ATRNL1: variants seen among roughly 807,000 people sequenced by gnomAD.
ATRNL1 encodes attractin-like protein 1.
ATRNL1 carries 95 observed loss-of-function variants against 182.7 expected under a neutral mutation model. The observed-to-expected ratio is 0.52, with a 90% CI of 0.44 to 0.62. The LOEUF (loss-of-function observed/expected upper bound fraction) is 0.62, where lower values mean the gene tolerates loss of function less well. Ranked by LOEUF, ATRNL1 falls within the 20% of genes least tolerant of loss-of-function variation. ATRNL1 has a pLI of 0.00. For synonymous variants in ATRNL1, 576 were observed against 568.3 expected, an observed-to-expected ratio of 1.01 and a Z score of -0.19; for missense variants, 1,471 against 1,679.5, an observed-to-expected ratio of 0.88 and a Z score of 2.17.
intron 25 of ATRNL1, among the ~76,000 whole-genome samples, chr10:115,527,078 G>A (rs1044961075): frequency 5.3e-5 from 8 of 151,192 alleles, no homozygotes; most frequent in African/African-American, 1.9e-4. Context: ...GGGGCCACTA[G>A]TCAGTTATGC....
At position 115,093,486 on chromosome 10, in the gene ATRNL1, C is replaced by G. The variant is rs1256769265; in HGVS notation, c.-265C>G. 9.3e-5 allele frequency: 58 copies of G among 623,888 alleles called. No individual in the cohort carries two copies. The highest frequency in any genetic ancestry group is 1.7e-4 in the Non-Finnish European group (58 of 342,434). 38.6% of individuals were successfully genotyped at this position (623,888 alleles called of 1,614,324 possible). On this transcript the variant is annotated 5_prime_UTR_variant, in exon 1 of 29. Transcript: ENST00000355044. The surrounding 1 kb of genome is among the most constrained non-coding windows in gnomAD (Gnocchi z 6.1). ...CCCGCTCCCCGCCTCCGGCCGGGTCCGGGACGCCGCGGCTGTGGGGTCGGC... is the reference window on the plus strand; with the variant it reads ...CCCGCTCCCCGCCTCCGGCCGGGTCGGGGACGCCGCGGCTGTGGGGTCGGC...
intron 24 of ATRNL1, among the ~76,000 whole-genome samples, chr10:115,472,206 T>C (rs1183962621): frequency 2.0e-5 from 3 of 151,120 alleles, no homozygotes; most frequent in Non-Finnish European, 4.5e-5. Flanking sequence ...TTGGTATTAG[T>C]GTATTTTTAT....
chr10:115,913,674 G>A (rs1555116487), intron 28 of ATRNL1, among the ~76,000 whole-genome samples: 2 of 152,170 alleles, frequency 1.3e-5, no homozygotes, highest in African/African-American at 4.8e-5. Context: ...TCCCAGCACT[G>A]CTCACATGTT....
At chr10:115,443,435 A>G (rs1006526221) in intron 21 of ATRNL1, among the ~76,000 whole-genome samples, 2 of 152,028 alleles carry the variant, frequency 1.3e-5, no homozygotes, top group Admixed American at 1.3e-4. Context: ...TTTGTGATTA[A>G]TGATGAGTTG....
intron 20 of ATRNL1, among the ~76,000 whole-genome samples, chr10:115,409,192 A>T (rs1253987027): frequency 6.6e-6 from 1 of 152,118 alleles, no homozygotes; most frequent in Non-Finnish European, 1.5e-5. Context: ...ATTAATTGTG[A>T]TTCGTGGGCA....
At chr10:115,099,192 T>C (rs1186582104) in intron 1 of ATRNL1, among the ~76,000 whole-genome samples, 1 of 152,236 alleles carries the variant, frequency 6.6e-6, no homozygotes, top group Non-Finnish European at 1.5e-5. Context: ...TCATACATTA[T>C]ATACTTCTTT....
intron 1 of ATRNL1, among the ~76,000 whole-genome samples, chr10:115,094,734 A>G (rs1476906322): frequency 2.0e-5 from 3 of 152,190 alleles, no homozygotes; most frequent in African/African-American, 2.4e-5. Context: ...ACACAGTAGT[A>G]AGGGCCGAGT....
chr10:115,692,688 G>C (rs993077528), intron 26 of ATRNL1, among the ~76,000 whole-genome samples: 4 of 151,494 alleles, frequency 2.6e-5, no homozygotes, highest in African/African-American at 9.7e-5. Flanking sequence ...GAGATTCATT[G>C]AATGTTTTTA....
At chr10:115,535,906 G>A (rs2133766533) in intron 25 of ATRNL1, among the ~76,000 whole-genome samples, 1 of 151,976 alleles carries the variant, frequency 6.6e-6, no homozygotes, top group South Asian at 2.1e-4. Context: ...ATCAGCAGCG[G>A]TGTCTGCAGA....
chr10:115,578,288 CCTCT>C (rs1854853417), intron 26 of ATRNL1, among the ~76,000 whole-genome samples: 1 of 151,436 alleles, frequency 6.6e-6, no homozygotes, highest in African/African-American at 2.4e-5. Context: ...GGAAGTATTC[CCTCT>C]ATTTTCATTT....
chr10:115,287,741 A>G (rs1240222700), intron 15 of ATRNL1, among the ~76,000 whole-genome samples: 1 of 152,074 alleles, frequency 6.6e-6, no homozygotes, highest in Non-Finnish European at 1.5e-5. Context: ...GCCATTTGAA[A>G]CTATGTGATA....
At chr10:115,503,251 C>A (rs781056453) in intron 24 of ATRNL1, among the ~76,000 whole-genome samples, 1 of 151,950 alleles carries the variant, frequency 6.6e-6, no homozygotes. Context: ...GGAATTGTTT[C>A]GATAAACTGT....
chr10:115,420,011 A>G (rs1845578762), intron 20 of ATRNL1, among the ~76,000 whole-genome samples: 1 of 149,856 alleles, frequency 6.7e-6, no homozygotes, highest in Non-Finnish European at 1.5e-5. Flanking sequence ...GATAGATTAT[A>G]TGTAAGGGCA....
At chr10:115,214,439 G>T (rs1017287266) in intron 8 of ATRNL1, among the ~76,000 whole-genome samples, 3 of 151,868 alleles carry the variant, frequency 2.0e-5, no homozygotes, top group African/African-American at 7.2e-5. Context: ...TATGAGTTCC[G>T]CAAAGTTTCT....
intron 26 of ATRNL1, among the ~76,000 whole-genome samples, chr10:115,641,402 C>T (rs1372950193): frequency 6.6e-6 from 1 of 152,138 alleles, no homozygotes; most frequent in East Asian, 1.9e-4. Context: ...ACAGAAGAGG[C>T]TTTTACTATA....
chr10:115,768,628 G>A (rs920592871), intron 27 of ATRNL1, among the ~76,000 whole-genome samples: 71 of 152,146 alleles, frequency 4.7e-4, no homozygotes, highest in African/African-American at 1.4e-3. Flanking sequence ...CCGTGAACAC[G>A]CTAACTTTAT....
At chr10:115,713,705 C>CTATCTATCTATCACCT (rs1555055340) in intron 26 of ATRNL1, among the ~76,000 whole-genome samples, 1 of 101,226 alleles carries the variant, frequency 9.9e-6, no homozygotes, top group Non-Finnish European at 2.1e-5. Flanking sequence ...ATCTATCTAT[C>CTATCTATCTATCACCT]ATCTATCTAT....
intron 24 of ATRNL1, among the ~76,000 whole-genome samples, chr10:115,478,162 A>G (rs1848615487): frequency 6.6e-6 from 1 of 151,706 alleles, no homozygotes; most frequent in African/African-American, 2.4e-5. Flanking sequence ...CTTGCTGTGT[A>G]GCAAATTATC....
At chr10:115,263,957 T>TATACCATGTGGACTA (rs1851498655) in intron 10 of ATRNL1, among the ~76,000 whole-genome samples, 1 of 151,774 alleles carries the variant, frequency 6.6e-6, no homozygotes, top group Non-Finnish European at 1.5e-5. Context: ...AATAGGCAGA[T>TATACCATGTGGACTA]ATACCATGTG....
Sources: gnomAD v4.1 joint callset for allele counts (sites outside exome capture counted in the v4.1 genomes callset) on GRCh38, gnomAD v4.1.1 for gene constraint, Gnocchi (gnomAD v3.1) non-coding constraint, MANE v1.5 for transcripts, NCBI Gene and HGNC (gene_info 2026-07-23, HGNC 2026-07-21) for gene names.